Variants in PKD1L1 observed in about 807,000 individuals in gnomAD.
The protein encoded by PKD1L1 is polycystin 1 like 1, transient receptor potential channel interacting, also known as polycystin-1-like protein 1.
In PKD1L1, 236 loss-of-function variants were observed where a neutral mutation model predicts 323.4. That is an observed-to-expected ratio of 0.73 (90% CI 0.66 to 0.81). The LOEUF (loss-of-function observed/expected upper bound fraction) is 0.81, where lower values mean the gene tolerates loss of function less well. Ranked by LOEUF, PKD1L1 falls within the 40% of genes least tolerant of loss-of-function variation. The pLI, the probability that PKD1L1 is intolerant of heterozygous loss-of-function variation, is 0.00. For synonymous variants in PKD1L1, 1,344 were observed against 1,335.0 expected (o/e 1.01, Z -0.15); for missense variants, 3,320 against 3,508.0 (o/e 0.95, Z 1.35).
At chr7:47,806,467 C>T (rs1784779690) in intron 52 of PKD1L1, among the ~76,000 whole-genome samples, 1 of 152,204 alleles carries the variant, frequency 6.6e-6, no homozygotes, top group South Asian at 2.1e-4. Flanking sequence ...AGCGGGTTGA[C>T]TAGCAGAGCT....
At chr7:47,942,447 G>GC (rs1171671403) in intron 2 of PKD1L1, among the ~76,000 whole-genome samples, 3 of 98,594 alleles carry the variant, frequency 3.0e-5, no homozygotes, top group African/African-American at 1.2e-4. Flanking sequence ...CCGCGCCCCC[G>GC]CCCCCCCACT....
In PKD1L1 at chr7:47,886,348, C is replaced by T. The variant is rs549572199; in HGVS notation, c.2837-294G>A. On this transcript the variant is annotated intron_variant, in intron 17 of 56. Transcript: ENST00000289672. ...AGGGATCTGCTGAATCCTATGCACT[C>T]CCAGGCATGACTTATTCATGGGTAT... is the stretch of plus-strand genomic sequence containing the variant. Among the ~76,000 whole-genome samples the T allele has an allele frequency of 3.9e-5, 6 of 152,216 alleles. No individual in the cohort carries two copies. In the South Asian group the frequency reaches 1.2e-3, roughly 32 times the overall value.
Position 47,857,157 on chromosome 7 carries a change from G to C in PKD1L1, c.4590+448C>G, listed in dbSNP as rs557216180. On this transcript the variant is annotated intron_variant, in intron 28 of 56. Coordinates refer to ENST00000289672, the MANE Select transcript of PKD1L1 (RefSeq NM_138295.5). ...CCTCTCTGGTGAGCAGGGAGGATGG[G>C]GGGTAAGCACTGCCATGTCCTCAGC... Among the ~76,000 whole-genome samples, 29 of 152,334 alleles carry C rather than the reference G, an allele frequency of 1.9e-4. No individual in the cohort carries two copies. In the South Asian group the frequency reaches 3.5e-3, roughly 19 times the overall value.
At chr7:47,857,957 A>C in intron 27 of PKD1L1, 125 bp from the exon 28 acceptor site, 1 of 869,056 alleles carries the variant, frequency 1.2e-6, no homozygotes, top group South Asian at 1.7e-5. Context: ...GGATGGCAGG[A>C]AGCAAGAGCG....
chr7:47,874,562 C>T (rs987667066), intron 23 of PKD1L1, among the ~76,000 whole-genome samples: 2 of 152,170 alleles, frequency 1.3e-5, no homozygotes, highest in Non-Finnish European at 2.9e-5. Flanking sequence ...TGGACACTTG[C>T]AGCCCAAGCG....
rs188416866 is a variant in PKD1L1 at position 47,827,750 on chromosome 7, G to A, written c.6736-282C>T. Reference sequence around the variant, plus strand: ...TACAAAGAGCTGCTGTACACGAGGGGTATGTCTACTACTGTCAAATTACAG... The same window carrying A: ...TACAAAGAGCTGCTGTACACGAGGGATATGTCTACTACTGTCAAATTACAG... On this transcript the variant is annotated intron_variant, in intron 44 of 56. Coordinates refer to ENST00000289672, the MANE Select transcript of PKD1L1 (RefSeq NM_138295.5). 2.5e-4 allele frequency among the ~76,000 whole-genome samples: 38 copies of A among 152,258 alleles called. 1 individual carries two copies. The highest frequency in any genetic ancestry group is 7.0e-4 in the African/African-American group (29 of 41,536).
In PKD1L1 at chr7:47,833,218, C is replaced by T. The variant is rs770173470; in HGVS notation, c.6209G>A (p.Arg2070Lys). The T allele has an allele frequency of 1.9e-6, 3 of 1,613,046 alleles. No individual in the cohort carries two copies. The highest frequency in any genetic ancestry group is 2.5e-6 in the Non-Finnish European group (3 of 1,179,512). Residue 2070 changes from arginine to lysine, a missense_variant, in exon 41 of 57, where the codon AGG becomes AAG. By Grantham distance (26) the Arg-to-Lys change is conservative. Transcript: ENST00000289672. ...PASAILSGSG[R>K]AQRKAASDNG... Reference sequence around the variant, plus strand: ...GTCACTTGCCGCCTTCCTTTGGGCCCTGCCACTCCCAGAGAGAATGGCTGA... The same window carrying T: ...GTCACTTGCCGCCTTCCTTTGGGCCTTGCCACTCCCAGAGAGAATGGCTGA...
chr7:47,882,683 G>C (rs1786589886), intron 19 of PKD1L1, among the ~76,000 whole-genome samples: 1 of 151,376 alleles, frequency 6.6e-6, no homozygotes, highest in African/African-American at 2.4e-5. Context: ...TGGTTGGAGG[G>C]TGGGAGGGAG....
intron 7 of PKD1L1, among the ~76,000 whole-genome samples, chr7:47,922,027 C>T (rs1787553861): frequency 6.6e-6 from 1 of 152,176 alleles, no homozygotes; most frequent in Non-Finnish European, 1.5e-5. Context: ...ATTCTCCTGC[C>T]TCAGCCTGCC....
chr7:47,941,494 T>C (rs1007717177), intron 2 of PKD1L1, among the ~76,000 whole-genome samples: 3 of 152,200 alleles, frequency 2.0e-5, no homozygotes, highest in South Asian at 2.1e-4. Context: ...AGTTTTAACA[T>C]TGTGAGTCAA....
At chr7:47,776,774 A>C (rs1299133084) in intron 56 of PKD1L1, among the ~76,000 whole-genome samples, 2 of 152,250 alleles carry the variant, frequency 1.3e-5, no homozygotes, top group Admixed American at 1.3e-4. Context: ...ACCATTATGG[A>C]GAGAAAGGTA....
upstream of PKD1L1, among the ~76,000 whole-genome samples, chr7:47,951,295 CGGAACCCCCTGGCT>C (rs1364130137): frequency 6.6e-6 from 1 of 152,160 alleles, no homozygotes; most frequent in Non-Finnish European, 1.5e-5. Context: ...TGTGCAAGGA[CGGAACCCCCTGGCT>C]GGAAGAGATC....
chr7:47,931,101 T>C lies in PKD1L1; in HGVS notation c.737+3A>G, dbSNP rs894095905. 5.0e-6 allele frequency: 8 copies of C among 1,613,386 alleles called. No individual in the cohort carries two copies. The highest frequency in any genetic ancestry group is 1.7e-5 in the Admixed American group (1 of 60,014). On this transcript the variant is annotated splice_donor_region_variant and intron_variant, in intron 6 of 56. Transcript: ENST00000289672. ...GCTGGCCTCCATACCTCCTTCACCGTACCTTCTGGGAGAAGTGGGAAAATG... is the reference window on the plus strand; with the variant it reads ...GCTGGCCTCCATACCTCCTTCACCGCACCTTCTGGGAGAAGTGGGAAAATG...
At chr7:47,885,592 G>A (rs1188814232) in intron 18 of PKD1L1, 94 bp downstream of exon 18, 3 of 1,474,288 alleles carry the variant, frequency 2.0e-6, no homozygotes, top group East Asian at 2.3e-5. Context: ...CCATGTTGAT[G>A]TGATCTCACA....
intron 14 of PKD1L1, among the ~76,000 whole-genome samples, chr7:47,896,039 A>G (rs898962131): frequency 2.6e-5 from 4 of 152,216 alleles, no homozygotes; most frequent in African/African-American, 7.2e-5. Context: ...TCTTATTGTC[A>G]TAAAGAGTAT....
At chr7:47,844,116 G>T (rs1468906379) in intron 33 of PKD1L1, among the ~76,000 whole-genome samples, 2 of 152,140 alleles carry the variant, frequency 1.3e-5, no homozygotes, top group Non-Finnish European at 2.9e-5. Context: ...CCCATGGTTT[G>T]CCCCAGCCCC....
intron 15 of PKD1L1, 76 bp from the exon 16 acceptor site, chr7:47,890,839 T>G: frequency 2.2e-6 from 3 of 1,353,350 alleles, no homozygotes; most frequent in Non-Finnish European, 3.1e-6. Context: ...ACTGCACGGG[T>G]TTTCCCCAGG....
At chr7:47,779,125 C>T (rs1346277819) in intron 56 of PKD1L1, among the ~76,000 whole-genome samples, 1 of 151,982 alleles carries the variant, frequency 6.6e-6, no homozygotes, top group Non-Finnish European at 1.5e-5. Flanking sequence ...CAGACATTTC[C>T]ACTTATTTTT....
chr7:47,868,931 T>C (rs891191667), intron 24 of PKD1L1, among the ~76,000 whole-genome samples: 3 of 152,144 alleles, frequency 2.0e-5, no homozygotes, highest in Non-Finnish European at 2.9e-5. Context: ...CATTGGACTG[T>C]TGGGTTTGTA....
Sources: allele counts gnomAD v4.1 joint callset (sites outside exome capture counted in the v4.1 genomes callset), GRCh38; gene constraint gnomAD v4.1.1; transcripts MANE v1.5; gene names NCBI Gene and HGNC (gene_info 2026-07-23, HGNC 2026-07-21).